The following DGKI variants were observed in gnomAD, a reference collection of about 807,000 sequenced individuals.
DGKI encodes the protein DAG kinase iota.
Under a neutral mutation model 147.5 loss-of-function variants are expected in DGKI, and 55 were observed. That is an observed-to-expected ratio of 0.37 (90% CI 0.30 to 0.47). The LOEUF is 0.47. DGKI is among the 20% of genes least tolerant of loss of function. The pLI, the probability that DGKI is intolerant of heterozygous loss-of-function variation, is 1.00. For missense variants in DGKI, 1,007 were observed against 1,323.8 expected (o/e 0.76, Z 3.71); for synonymous variants, 469 against 477.1 (o/e 0.98, Z 0.22).
chr7:137,716,757 T>G (rs1794389127), intron 1 of DGKI, among the ~76,000 whole-genome samples: 1 of 152,200 alleles, frequency 6.6e-6, no homozygotes, highest in Non-Finnish European at 1.5e-5. Flanking sequence ...AAGATCAAGG[T>G]AGGCACCTCC....
chr7:137,574,863 A>G (rs1431748277), intron 17 of DGKI, among the ~76,000 whole-genome samples: 1 of 152,222 alleles, frequency 6.6e-6, no homozygotes, highest in Non-Finnish European at 1.5e-5. Context: ...ATTCAAATAC[A>G]TATTTTATAT....
At chr7:137,523,237 C>T (rs1817025461) in intron 20 of DGKI, among the ~76,000 whole-genome samples, 1 of 151,992 alleles carries the variant, frequency 6.6e-6, no homozygotes, top group Non-Finnish European at 1.5e-5. Flanking sequence ...CACAGACACA[C>T]ACCCATTTAA....
At chr7:137,501,662 C>T (rs1173096714) in intron 21 of DGKI, among the ~76,000 whole-genome samples, 1 of 152,182 alleles carries the variant, frequency 6.6e-6, no homozygotes, top group Non-Finnish European at 1.5e-5. Flanking sequence ...CTGGCACAAC[C>T]TTTAGCACAG....
chr7:137,572,433 T>C (rs1221635416), intron 18 of DGKI, among the ~76,000 whole-genome samples: 1 of 152,108 alleles, frequency 6.6e-6, no homozygotes, highest in African/African-American at 2.4e-5. Context: ...ACAAAAAAAG[T>C]GTTTCAATTC....
chr7:137,582,601 C>G (rs1819243317), intron 14 of DGKI, among the ~76,000 whole-genome samples: 1 of 152,000 alleles, frequency 6.6e-6, no homozygotes, highest in Non-Finnish European at 1.5e-5. Context: ...ACCCTTATAT[C>G]TTTATTATGA....
chr7:137,460,265 CAT>C (rs1341101428), intron 27 of DGKI, among the ~76,000 whole-genome samples: 1 of 152,110 alleles, frequency 6.6e-6, no homozygotes, highest in African/African-American at 2.4e-5. Flanking sequence ...GCTGAAACTG[CAT>C]ATATATTCTG....
chr7:137,529,844 G>A (rs1298455076), intron 20 of DGKI, among the ~76,000 whole-genome samples: 2 of 152,256 alleles, frequency 1.3e-5, no homozygotes, highest in Admixed American at 1.3e-4. Flanking sequence ...CTGCCTCCTG[G>A]GTTCAAGCAA....
At position 137,457,551 on chromosome 7, in the gene DGKI, C is replaced by T. The variant is rs568473944; in HGVS notation, c.2735+5938G>A. Among the ~76,000 whole-genome samples, 4 of 152,282 alleles carry T rather than the reference C, an allele frequency of 2.6e-5. No individual in the cohort carries two copies. In the South Asian group the frequency reaches 8.3e-4, roughly 32 times the overall value. On this transcript the variant is annotated intron_variant, in intron 27 of 32. Transcript: ENST00000614521. Reference sequence around the variant, plus strand: ...TTAGAACATCTGAGTTTTCAGAACACAGGAGGTCTCCGGGCTTTATCTTCT... The same window carrying T: ...TTAGAACATCTGAGTTTTCAGAACATAGGAGGTCTCCGGGCTTTATCTTCT...
At chr7:137,758,829 T>C (rs1329736409) in intron 1 of DGKI, among the ~76,000 whole-genome samples, 5 of 152,258 alleles carry the variant, frequency 3.3e-5, no homozygotes, top group Admixed American at 2.6e-4. Flanking sequence ...AGGAGATAGA[T>C]ACTCAAACCT....
intron 7 of DGKI, 35 bp from the exon 8 acceptor site, chr7:137,619,975 T>C: frequency 6.7e-7 from 1 of 1,495,128 alleles, no homozygotes; most frequent in Non-Finnish European, 9.3e-7. Context: ...ACAATTCTGG[T>C]CAAAGAGTAA....
intron 14 of DGKI, among the ~76,000 whole-genome samples, chr7:137,582,664 C>CTT (rs1238900937): frequency 9.2e-5 from 14 of 152,072 alleles, no homozygotes; most frequent in Non-Finnish European, 2.9e-5. Context: ...CTTTAACTTT[C>CTT]CTTCCTAGAG....
At chr7:137,619,107 A>G (rs993114813) in intron 8 of DGKI, among the ~76,000 whole-genome samples, 1 of 152,190 alleles carries the variant, frequency 6.6e-6, no homozygotes, top group African/African-American at 2.4e-5. Flanking sequence ...CTCTCTTCCC[A>G]TAGCATTAAA....
At chr7:137,823,941 C>T (rs570256176) in intron 1 of DGKI, among the ~76,000 whole-genome samples, 11 of 152,120 alleles carry the variant, frequency 7.2e-5, no homozygotes, top group East Asian at 1.9e-4. Flanking sequence ...CTGGGTGACT[C>T]GGCTATGGAT....
intron 20 of DGKI, among the ~76,000 whole-genome samples, chr7:137,547,942 C>A (rs1391216791): frequency 6.6e-6 from 1 of 152,002 alleles, no homozygotes; most frequent in African/African-American, 2.4e-5. Flanking sequence ...GACCAGAGAG[C>A]AAAACCAGGA....
intron 20 of DGKI, among the ~76,000 whole-genome samples, chr7:137,541,812 A>C (rs2128961658): frequency 6.6e-6 from 1 of 152,280 alleles, no homozygotes; most frequent in African/African-American, 2.4e-5. Context: ...TTAGGGAGAA[A>C]GCAAAGGAGA....
intron 5 of DGKI, among the ~76,000 whole-genome samples, chr7:137,650,928 A>C (rs150397930): frequency 1.5e-4 from 23 of 152,292 alleles, no homozygotes; most frequent in African/African-American, 5.5e-4. Context: ...AAAGGTGGGG[A>C]ATATCTTGGT....
chr7:137,705,480 C>T (rs1435500624), intron 1 of DGKI, among the ~76,000 whole-genome samples: 1 of 151,786 alleles, frequency 6.6e-6, no homozygotes, highest in Non-Finnish European at 1.5e-5. Flanking sequence ...ACAGAAAGAA[C>T]ATATTGTATA....
chr7:137,463,643 C>A, intron 26 of DGKI, 32 bp from the exon 27 acceptor site: 1 of 1,601,568 alleles, frequency 6.2e-7, no homozygotes, highest in Non-Finnish European at 8.5e-7. Flanking sequence ...GACAGTTAAA[C>A]ATTCAAAGTC....
At chr7:137,585,431 C>A in intron 13 of DGKI, 85 bp from the exon 14 acceptor site, 1 of 1,476,730 alleles carries the variant, frequency 6.8e-7, no homozygotes, top group Non-Finnish European at 9.1e-7. Flanking sequence ...AGAGCCAAGC[C>A]GTTATATTGT....
Sources: allele counts gnomAD v4.1 joint callset (sites outside exome capture counted in the v4.1 genomes callset), GRCh38; gene constraint gnomAD v4.1.1; transcripts MANE v1.5; gene names NCBI Gene and HGNC (gene_info 2026-07-23, HGNC 2026-07-21).